The following CDH12 variants were observed in gnomAD, a reference collection of about 807,000 sequenced individuals.
The protein encoded by CDH12 is cadherin 12, also known as cadherin-12.
In CDH12, 41 loss-of-function variants were observed where a neutral mutation model predicts 74.1. The ratio of observed to expected loss-of-function variants is 0.55; its 90% CI spans 0.43 to 0.72. The LOEUF (loss-of-function observed/expected upper bound fraction) is 0.72, where lower values mean the gene tolerates loss of function less well. CDH12 is among the 30% of genes least tolerant of loss of function. CDH12 has a pLI of 0.00. For missense variants in CDH12, 945 were observed against 977.2 expected (o/e 0.97, Z 0.44); for synonymous variants, 399 against 355.0 (o/e 1.12, Z -1.39).
intron 1 of CDH12, among the ~76,000 whole-genome samples, chr5:22,825,540 A>G (rs1736274837): frequency 6.6e-6 from 1 of 152,340 alleles, no homozygotes; most frequent in Non-Finnish European, 1.5e-5. Context: ...GTCTGGTTTG[A>G]TTAAGAAACA....
At chr5:21,753,673 C>T (rs980524336) in intron 14 of CDH12, among the ~76,000 whole-genome samples, 1 of 151,728 alleles carries the variant, frequency 6.6e-6, no homozygotes, top group African/African-American at 2.4e-5. Context: ...GACCCTATGA[C>T]AGGACAAAGA....
At chr5:22,461,976 T>C (rs1433184299) in intron 2 of CDH12, among the ~76,000 whole-genome samples, 1 of 152,168 alleles carries the variant, frequency 6.6e-6, no homozygotes. Context: ...TTACCTCATA[T>C]TATGCATTTA....
intron 4 of CDH12, among the ~76,000 whole-genome samples, chr5:22,129,213 A>G (rs946978141): frequency 1.3e-5 from 2 of 152,180 alleles, no homozygotes; most frequent in African/African-American, 4.8e-5. Flanking sequence ...GACTGGCTTG[A>G]TTTTGTGACT....
chr5:22,583,308 A>G (rs962303452), intron 1 of CDH12, among the ~76,000 whole-genome samples: 1 of 152,220 alleles, frequency 6.6e-6, no homozygotes, highest in Admixed American at 6.5e-5. Context: ...AACAAACACA[A>G]AATGAGTCAA....
At chr5:21,852,085 G>A (rs1378975939) in intron 7 of CDH12, among the ~76,000 whole-genome samples, 1 of 151,332 alleles carries the variant, frequency 6.6e-6, no homozygotes, top group Non-Finnish European at 1.5e-5. Context: ...CTGAGAAATT[G>A]CAATTATCCT....
intron 5 of CDH12, among the ~76,000 whole-genome samples, chr5:22,016,903 A>C (rs1737645107): frequency 6.6e-6 from 1 of 152,056 alleles, no homozygotes; most frequent in Non-Finnish European, 1.5e-5. Flanking sequence ...TTGAGACTAC[A>C]TTTATTGATC....
intron 1 of CDH12, among the ~76,000 whole-genome samples, chr5:22,788,474 T>G (rs1747751192): frequency 6.6e-6 from 1 of 150,674 alleles, no homozygotes; most frequent in Non-Finnish European, 1.5e-5. Context: ...ATAATTAAAA[T>G]GCATTGAATA....
chr5:22,441,695 G>A (rs1304081504), intron 2 of CDH12, among the ~76,000 whole-genome samples: 1 of 151,926 alleles, frequency 6.6e-6, no homozygotes, highest in Non-Finnish European at 1.5e-5. Context: ...TATATTATTT[G>A]TTTTGTTAAT....
chr5:22,569,275 C>A (rs1254428467), intron 1 of CDH12, among the ~76,000 whole-genome samples: 1 of 152,110 alleles, frequency 6.6e-6, no homozygotes, highest in Non-Finnish European at 1.5e-5. Context: ...GCTGTTCTTG[C>A]AATAGTAAGT....
chr5:22,314,217 T>C (rs1300663963), intron 3 of CDH12, among the ~76,000 whole-genome samples: 1 of 151,994 alleles, frequency 6.6e-6, no homozygotes, highest in Non-Finnish European at 1.5e-5. Context: ...ACTTTGGGAG[T>C]AGTCAGGGTT....
At position 22,034,920 on chromosome 5, in the gene CDH12, G is replaced by A. The variant is rs76837218; in HGVS notation, c.231+43526C>T. Among the ~76,000 whole-genome samples the A allele has an allele frequency of 3.9e-3, 591 of 152,212 alleles. 10 individuals carry two copies. The East Asian group carries it at 0.056, about 15-fold the overall frequency. On this transcript the variant is annotated intron_variant, in intron 5 of 14. Coordinates refer to ENST00000382254, the MANE Select transcript of CDH12 (RefSeq NM_004061.5). ...CAGGTACAGTAAGTCATCGGTTAAC[G>A]CCATTGACAGGTTCTTGAAATCTAC... is the stretch of plus-strand genomic sequence containing the variant.
intron 2 of CDH12, among the ~76,000 whole-genome samples, chr5:22,445,567 C>G (rs1407059692): frequency 1.3e-5 from 2 of 152,008 alleles, no homozygotes; most frequent in Non-Finnish European, 2.9e-5. Context: ...AATAATATAC[C>G]TAGTCCTGTG....
At chr5:22,043,703 A>T (rs1739731619) in intron 5 of CDH12, among the ~76,000 whole-genome samples, 2 of 151,190 alleles carry the variant, frequency 1.3e-5, no homozygotes, top group South Asian at 4.2e-4. Flanking sequence ...CAAAAACTCT[A>T]TGAAAAAAAA....
At chr5:21,858,215 T>C (rs1750854417) in intron 6 of CDH12, among the ~76,000 whole-genome samples, 1 of 151,920 alleles carries the variant, frequency 6.6e-6, no homozygotes, top group Non-Finnish European at 1.5e-5. Context: ...GATATGTATA[T>C]GTTAAACTAT....
intron 4 of CDH12, among the ~76,000 whole-genome samples, chr5:22,207,062 A>G (rs1421250366): frequency 1.3e-5 from 2 of 151,444 alleles, no homozygotes; most frequent in Non-Finnish European, 2.9e-5. Flanking sequence ...AAATACAAAA[A>G]AAAAAAATTA....
intron 6 of CDH12, among the ~76,000 whole-genome samples, chr5:21,885,518 G>A (rs746922322): frequency 2.0e-5 from 3 of 151,992 alleles, no homozygotes; most frequent in Non-Finnish European, 4.4e-5. Flanking sequence ...CACCATATAC[G>A]GTCAAACACA....
intron 3 of CDH12, among the ~76,000 whole-genome samples, chr5:22,326,435 C>T (rs1188021901): frequency 1.3e-5 from 2 of 152,094 alleles, no homozygotes; most frequent in Non-Finnish European, 2.9e-5. Context: ...CGGGGTTTCA[C>T]CGTGTTAGTC....
intron 6 of CDH12, among the ~76,000 whole-genome samples, chr5:21,930,035 C>T (rs756511128): frequency 6.6e-6 from 1 of 152,108 alleles, no homozygotes; most frequent in Non-Finnish European, 1.5e-5. Context: ...GTGTTAGTTA[C>T]TATGTAATCA....
intron 5 of CDH12, among the ~76,000 whole-genome samples, chr5:21,992,974 G>A (rs1420589779): frequency 6.6e-6 from 1 of 152,146 alleles, no homozygotes; most frequent in Non-Finnish European, 1.5e-5. Context: ...CGGCAGGAGA[G>A]AGAGAGAGAT....
Sources: allele counts gnomAD v4.1 joint callset (sites outside exome capture counted in the v4.1 genomes callset), GRCh38; gene constraint gnomAD v4.1.1; transcripts MANE v1.5; gene names NCBI Gene and HGNC (gene_info 2026-07-23, HGNC 2026-07-21).